Variants in KCNN2 observed in about 807,000 individuals in gnomAD.
The protein encoded by KCNN2 is potassium calcium-activated channel subfamily N member 2.
Under a neutral mutation model 55.5 loss-of-function variants are expected in KCNN2, and 24 were observed. The ratio of observed to expected loss-of-function variants is 0.43; its 90% CI spans 0.31 to 0.61. The LOEUF (loss-of-function observed/expected upper bound fraction) is 0.61, where lower values mean the gene tolerates loss of function less well. Ranked by LOEUF, KCNN2 falls within the 20% of genes least tolerant of loss-of-function variation. The pLI, the probability that KCNN2 is intolerant of heterozygous loss-of-function variation, is 0.08. For missense variants in KCNN2, 754 were observed against 853.6 expected, an observed-to-expected ratio of 0.88 and a Z score of 1.45; for synonymous variants, 431 against 336.1, an observed-to-expected ratio of 1.28 and a Z score of -3.09.
At chr5:114,403,532 G>C (rs1758846657) in intron 2 of KCNN2, among the ~76,000 whole-genome samples, 1 of 152,298 alleles carries the variant, frequency 6.6e-6, no homozygotes, top group Non-Finnish European at 1.5e-5. Context: ...CTAAGTGTCA[G>C]TATCCCTTGC....
chr5:114,196,425 A>G (rs939101780), intron 1 of KCNN2, among the ~76,000 whole-genome samples: 3 of 152,066 alleles, frequency 2.0e-5, no homozygotes, highest in African/African-American at 7.2e-5. Flanking sequence ...GAGTTTGTAA[A>G]GGATTGGTAT....
chr5:114,434,721 C>T (rs1405260654), intron 3 of KCNN2, among the ~76,000 whole-genome samples: 1 of 152,158 alleles, frequency 6.6e-6, no homozygotes, highest in Non-Finnish European at 1.5e-5. Flanking sequence ...CTGTGACTTT[C>T]ATCAGTGCTT....
At chr5:114,300,923 C>T (rs1263178867) in intron 2 of KCNN2, among the ~76,000 whole-genome samples, 2 of 151,722 alleles carry the variant, frequency 1.3e-5, no homozygotes, top group Admixed American at 6.6e-5. Flanking sequence ...AATGGGGGAT[C>T]ACAAGAGTTT....
At chr5:114,393,724 C>G (rs896102209) in intron 2 of KCNN2, among the ~76,000 whole-genome samples, 9 of 151,764 alleles carry the variant, frequency 5.9e-5, no homozygotes, top group Non-Finnish European at 1.3e-4. Context: ...CATACAAATA[C>G]AAATATACCA....
At chr5:114,335,346 G>C (rs1263417735) in intron 2 of KCNN2, among the ~76,000 whole-genome samples, 1 of 152,092 alleles carries the variant, frequency 6.6e-6, no homozygotes, top group South Asian at 2.1e-4. Context: ...TTTACTACTA[G>C]ATAGGATTCT....
At position 114,314,136 on chromosome 5, in the gene KCNN2, C is replaced by T. The variant is rs556368350; in HGVS notation, c.-184-46809C>T. On this transcript the variant is annotated intron_variant, in intron 2 of 10. Coordinates refer to the KCNN2 transcript ENST00000512097. ...GACATGAACAAAATGAGGTGGGAGC[C>T]GCCTCCTAACAACTTTTCAATAAAA... Among the ~76,000 whole-genome samples, 12 of 152,118 alleles carry T rather than the reference C, an allele frequency of 7.9e-5. 1 individual carries two copies. In the South Asian group the frequency reaches 2.3e-3, roughly 29 times the overall value.
intron 1 of KCNN2, among the ~76,000 whole-genome samples, chr5:114,134,271 T>C (rs942260902): frequency 1.3e-5 from 2 of 151,178 alleles, no homozygotes; most frequent in Non-Finnish European, 2.9e-5. Context: ...GGAAAAGCCA[T>C]ACGCTTGGCC....
chr5:114,272,333 TA>T (rs1211544024), intron 2 of KCNN2, among the ~76,000 whole-genome samples: 586 of 121,260 alleles, frequency 4.8e-3, no homozygotes, highest in African/African-American at 0.02. Context: ...TATGTACATA[TA>T]CACACATATA....
At chr5:114,374,150 G>A (rs1406265539) in intron 2 of KCNN2, among the ~76,000 whole-genome samples, 1 of 151,986 alleles carries the variant, frequency 6.6e-6, no homozygotes. Context: ...CTTCATCCTG[G>A]AATCAAGGCC....
rs1757461228 is a variant in KCNN2 at position 114,362,542 on chromosome 5, C to T, written c.403C>T (p.His135Tyr). 1.7e-6 allele frequency: 1 copy of T among 576,634 alleles called. No homozygotes were observed. Among genetic ancestry groups the T allele is most frequent in the Admixed American group, 3.7e-5 (1 of 26,844 alleles). The allele number at this position is 576,634 out of a possible 1,614,324, so 35.7% of individuals were successfully genotyped here. Residue 135 changes from histidine (H) to tyrosine (Y), a missense_variant, in exon 1 of 8, where the codon CAT becomes TAT. His to Tyr is a moderately conservative substitution (Grantham distance 83, BLOSUM62 2). Around this residue, in one of 4 missense-constraint regions of KCNN2, gnomAD observed 381 missense variants for 259.1 expected, o/e 1.47. Coordinates refer to ENST00000673685, the MANE Select transcript of KCNN2 (RefSeq NM_021614.4). Reference protein sequence around the residue: ...LNVSELTPSSHASALRQQYAQ... With the variant: ...LNVSELTPSSYASALRQQYAQ... ...TGTGAGCGAGCTGACGCCGTCCAGC[C>T]ATGCCAGTGCGCTCCGGCAGCAGTA...
At chr5:114,331,307 G>A (rs868233646) in intron 2 of KCNN2, among the ~76,000 whole-genome samples, 2 of 152,140 alleles carry the variant, frequency 1.3e-5, no homozygotes, top group African/African-American at 2.4e-5. Flanking sequence ...TAGAAGATGC[G>A]GTGGCCACGG....
chr5:114,339,814 CAAATAAATAAATAAAT>C (rs373432627), intron 2 of KCNN2, among the ~76,000 whole-genome samples: 1 of 147,164 alleles, frequency 6.8e-6, no homozygotes, highest in African/African-American at 2.6e-5. Context: ...AACAAACAAA[CAAATAAATAAATAAAT>C]AAATAAATAA....
At chr5:114,276,016 C>T (rs1007628966) in intron 2 of KCNN2, among the ~76,000 whole-genome samples, 1 of 152,120 alleles carries the variant, frequency 6.6e-6, no homozygotes, top group Non-Finnish European at 1.5e-5. Flanking sequence ...CCCAGAGATT[C>T]TGGTACATTG....
chr5:114,087,410 G>A (rs1751039533), intron 1 of KCNN2, among the ~76,000 whole-genome samples: 1 of 152,032 alleles, frequency 6.6e-6, no homozygotes. Flanking sequence ...ATAGTTTGAT[G>A]TCTTACATTT....
chr5:114,064,061 A>C (rs1053544940), intron 1 of KCNN2, among the ~76,000 whole-genome samples: 3 of 152,150 alleles, frequency 2.0e-5, no homozygotes, highest in African/African-American at 7.2e-5. Context: ...AGCTTAACGA[A>C]ATGCTTGTGT....
At chr5:114,130,663 A>G (rs996921527) in intron 1 of KCNN2, among the ~76,000 whole-genome samples, 4 of 152,190 alleles carry the variant, frequency 2.6e-5, no homozygotes, top group Non-Finnish European at 5.9e-5. Context: ...CTTTTTATCT[A>G]GCTCTGTCTC....
intron 3 of KCNN2, among the ~76,000 whole-genome samples, chr5:114,457,033 G>A (rs1453173245): frequency 3.9e-5 from 6 of 152,288 alleles, no homozygotes; most frequent in African/African-American, 1.4e-4. Context: ...GCTGTGTCAC[G>A]GTTTGGGAGG....
In KCNN2 at chr5:114,473,257, A is replaced by G; in HGVS notation, c.1890+93A>G. The stretch of plus-strand genomic sequence containing the variant: ...TTTTTATTTTGACATCCGAAGCTGA[A>G]ATGACATGGTTTGAAAGTATAGGCA... On this transcript the variant is annotated intron_variant, in intron 5 of 7. Coordinates refer to ENST00000673685, the MANE Select transcript of KCNN2 (RefSeq NM_021614.4). 3 of 818,236 alleles carry G rather than the reference A, an allele frequency of 3.7e-6. No individual in the cohort carries two copies. The South Asian group carries it at 4.5e-5, about 12-fold the overall frequency. The allele number at this position is 818,236 out of a possible 1,614,324, so 50.7% of individuals were successfully genotyped here. A position where few individuals can be genotyped will look rare whatever the true frequency, so the allele number is the denominator to read the frequency against.
At chr5:114,327,740 A>C (rs1028453338) in intron 2 of KCNN2, among the ~76,000 whole-genome samples, 2 of 152,210 alleles carry the variant, frequency 1.3e-5, no homozygotes, top group Non-Finnish European at 2.9e-5. Context: ...TTTGGGACCA[A>C]AGATGAGACA....
Sources: gnomAD v4.1 joint callset for allele counts (sites outside exome capture counted in the v4.1 genomes callset) on GRCh38, gnomAD v4.1.1 for gene constraint, gnomAD v4.1.1 regional missense constraint, MANE v1.5 for transcripts, NCBI Gene and HGNC (gene_info 2026-07-23, HGNC 2026-07-21) for gene names.